The following TLE1 variants were observed in gnomAD, a reference collection of about 807,000 sequenced individuals.
TLE1 encodes the protein TLE family member 1, transcriptional corepressor.
TLE1 carries 21 observed loss-of-function variants against 89.8 expected under a neutral mutation model. That is an observed-to-expected ratio of 0.23 (90% CI 0.17 to 0.34). The LOEUF (loss-of-function observed/expected upper bound fraction) is 0.34. Among genes scored for constraint, TLE1 ranks in the 10% least tolerant of loss-of-function variants. TLE1 has a pLI of 1.00. For missense variants in TLE1, 795 were observed against 1,031.2 expected, an observed-to-expected ratio of 0.77 and a Z score of 3.14; for synonymous variants, 447 against 407.6, an observed-to-expected ratio of 1.10 and a Z score of -1.16.
At chr9:81,643,224 T>G (rs993340911) in intron 6 of TLE1, among the ~76,000 whole-genome samples, 1 of 148,140 alleles carries the variant, frequency 6.8e-6, no homozygotes, top group Non-Finnish European at 1.5e-5. Context: ...CTTTGTGGTG[T>G]GTTTGTTTTT....
intron 16 of TLE1, among the ~76,000 whole-genome samples, chr9:81,590,210 G>A (rs1178649851): frequency 6.6e-6 from 1 of 152,246 alleles, no homozygotes; most frequent in Non-Finnish European, 1.5e-5. Flanking sequence ...GGGGAGCTGA[G>A]GAGAGACACA....
chr9:81,647,804 C>T (rs1829041003), intron 6 of TLE1, among the ~76,000 whole-genome samples: 1 of 152,174 alleles, frequency 6.6e-6, no homozygotes, highest in Non-Finnish European at 1.5e-5. Flanking sequence ...TCCCAAGGCC[C>T]ATGCTTTGTC....
At chr9:81,666,220 A>C (rs1385090011) in intron 4 of TLE1, among the ~76,000 whole-genome samples, 6 of 152,104 alleles carry the variant, frequency 3.9e-5, no homozygotes, top group Admixed American at 3.9e-4. Flanking sequence ...TGGAGAAAGA[A>C]ATCTTTCTCC....
intron 4 of TLE1, among the ~76,000 whole-genome samples, chr9:81,680,328 G>T (rs1216039655): frequency 6.6e-6 from 1 of 152,196 alleles, no homozygotes; most frequent in Admixed American, 6.5e-5. Flanking sequence ...GGCAGAAAGA[G>T]GGGGAGGCAA....
In TLE1 at chr9:81,630,225, CT is replaced by C. The variant is rs1826399783; in HGVS notation, c.594+3122del. Among the ~76,000 whole-genome samples the C allele has an allele frequency of 3.3e-5, 5 of 152,104 alleles. 1 individual carries two copies. Among genetic ancestry groups the C allele is most frequent in the African/African-American group, 1.2e-4 (5 of 41,496 alleles). On this transcript the variant is annotated intron_variant, in intron 8 of 19. Coordinates refer to ENST00000376499, the MANE Select transcript of TLE1 (RefSeq NM_005077.5). The stretch of plus-strand genomic sequence containing the variant: ...GGATCCCTTAAGGGTCCCGGAGACC[CT>C]CGCAAATCTATGAGGGCAGATTCTC...
intron 14 of TLE1, among the ~76,000 whole-genome samples, chr9:81,607,495 C>T (rs980044552): frequency 8.5e-5 from 13 of 152,218 alleles, no homozygotes; most frequent in South Asian, 4.1e-4. Flanking sequence ...GCTGAACACA[C>T]GCCCCGTACC....
chr9:81,602,831 CTGT>C (rs1214781225), intron 14 of TLE1, among the ~76,000 whole-genome samples: 1 of 151,502 alleles, frequency 6.6e-6, no homozygotes, highest in Non-Finnish European at 1.5e-5. Flanking sequence ...AAGAATAAGA[CTGT>C]TAAAAAAAAA....
intron 4 of TLE1, among the ~76,000 whole-genome samples, chr9:81,670,422 C>A (rs1297770695): frequency 6.6e-6 from 1 of 152,166 alleles, no homozygotes; most frequent in East Asian, 1.9e-4. Context: ...GCCTCCCGGG[C>A]TCAAGTGATT....
At chr9:81,617,752 G>A (rs1179588862) in intron 9 of TLE1, among the ~76,000 whole-genome samples, 1 of 150,792 alleles carries the variant, frequency 6.6e-6, no homozygotes, top group Non-Finnish European at 1.5e-5. Flanking sequence ...TGGGCTGGGC[G>A]CGGTGGCTCA....
intron 6 of TLE1, among the ~76,000 whole-genome samples, chr9:81,638,691 C>A (rs759860658): frequency 9.2e-5 from 14 of 151,832 alleles, no homozygotes; most frequent in Non-Finnish European, 1.9e-4. Context: ...GTGGCGCAAT[C>A]TTGGCTCACT....
At chr9:81,680,887 A>C (rs562076124) in intron 4 of TLE1, among the ~76,000 whole-genome samples, 2 of 152,222 alleles carry the variant, frequency 1.3e-5, no homozygotes, top group South Asian at 4.2e-4. Context: ...AGGGGGAAAA[A>C]AAATCTCAAA....
intron 13 of TLE1, 79 bp downstream of exon 13, chr9:81,611,690 C>T: frequency 7.5e-7 from 1 of 1,327,376 alleles, no homozygotes; most frequent in South Asian, 2.0e-5. Flanking sequence ...CGCAGAGAGG[C>T]CTGGCCCCAA....
intron 6 of TLE1, among the ~76,000 whole-genome samples, chr9:81,645,801 A>G (rs1005408643): frequency 3.3e-5 from 5 of 152,212 alleles, no homozygotes; most frequent in Non-Finnish European, 1.5e-5. Context: ...TAGATACCCC[A>G]TTCTTTATGA....
At chr9:81,592,439 C>G (rs2131836178) in intron 15 of TLE1, among the ~76,000 whole-genome samples, 1 of 152,312 alleles carries the variant, frequency 6.6e-6, no homozygotes, top group African/African-American at 2.4e-5. Context: ...TTCTCAGGCT[C>G]TGAGCGGACG....
At chr9:81,621,451 A>G (rs1392458150) in intron 8 of TLE1, among the ~76,000 whole-genome samples, 1 of 152,164 alleles carries the variant, frequency 6.6e-6, no homozygotes, top group Non-Finnish European at 1.5e-5. Flanking sequence ...TGCCCTGAAC[A>G]ATGTTGAATG....
At chr9:81,679,817 G>C (rs1833377130) in intron 4 of TLE1, among the ~76,000 whole-genome samples, 1 of 152,214 alleles carries the variant, frequency 6.6e-6, no homozygotes, top group South Asian at 2.1e-4. Flanking sequence ...AGGAAAGCCA[G>C]TAAGTTTCTC....
intron 15 of TLE1, among the ~76,000 whole-genome samples, chr9:81,592,681 G>A (rs538142017): frequency 3.3e-5 from 5 of 152,260 alleles, no homozygotes; most frequent in Admixed American, 3.3e-4. Context: ...ATTAAAAAAC[G>A]AGTGGATGGC....
At chr9:81,608,961 G>C (rs1823342054) in intron 14 of TLE1, among the ~76,000 whole-genome samples, 1 of 148,784 alleles carries the variant, frequency 6.7e-6, no homozygotes, top group African/African-American at 2.5e-5. Context: ...AAGAAAGAAA[G>C]AAAGAAAAAG....
intron 11 of TLE1, among the ~76,000 whole-genome samples, chr9:81,614,026 G>A (rs949480968): frequency 2.7e-5 from 4 of 149,608 alleles, no homozygotes; most frequent in African/African-American, 9.9e-5. Flanking sequence ...TCCTGCCTCT[G>A]CCTCCTGAGT....
Sources: gnomAD v4.1 joint callset for allele counts (sites outside exome capture counted in the v4.1 genomes callset) on GRCh38, gnomAD v4.1.1 for gene constraint, MANE v1.5 for transcripts, NCBI Gene and HGNC (gene_info 2026-07-23, HGNC 2026-07-21) for gene names.